ARHGAP30: variants seen among roughly 807,000 people sequenced by gnomAD.
ARHGAP30 encodes the protein rho GTPase-activating protein 30.
Under a neutral mutation model 72.0 loss-of-function variants are expected in ARHGAP30, and 23 were observed. The ratio of observed to expected loss-of-function variants is 0.32; its 90% CI spans 0.23 to 0.45. The LOEUF (loss-of-function observed/expected upper bound fraction) is 0.45, where lower values mean the gene tolerates loss of function less well. ARHGAP30 is among the 20% of genes least tolerant of loss of function. The pLI, the probability that ARHGAP30 is intolerant of heterozygous loss-of-function variation, is 1.00. For synonymous variants in ARHGAP30, 576 were observed against 528.2 expected, an observed-to-expected ratio of 1.09 and a Z score of -1.24; for missense variants, 1,319 against 1,383.4, an observed-to-expected ratio of 0.95 and a Z score of 0.74.
chr1:161,057,946 G>A (rs2102053528), intron 2 of ARHGAP30, among the ~76,000 whole-genome samples: 1 of 152,304 alleles, frequency 6.6e-6, no homozygotes, highest in East Asian at 1.9e-4. Flanking sequence ...GAGGTCGAGA[G>A]TTCAAGACCA....
At chr1:161,056,622 G>A (rs886473602) in intron 2 of ARHGAP30, 90 bp from the exon 3 acceptor site, 20 of 1,426,944 alleles carry the variant, frequency 1.4e-5, no homozygotes, top group East Asian at 2.3e-5. Flanking sequence ...CGGCATGGTC[G>A]TGGGTCAACA....
chr1:161,052,807 G>A lies in ARHGAP30; in HGVS notation c.665-10C>T. The A allele has an allele frequency of 1.2e-6, 2 of 1,609,310 alleles. No individual in the cohort carries two copies. The highest frequency in any genetic ancestry group is 1.7e-6 in the Non-Finnish European group (2 of 1,178,524). The stretch of plus-strand genomic sequence containing the variant: ...CTCTCCACCTCACCACCTGGGAAAA[G>A]AAAAGGAATTGGCCAGCCAGGAACA... On this transcript the variant is annotated splice_polypyrimidine_tract_variant and intron_variant, in intron 6 of 11. Coordinates refer to ENST00000368013, the MANE Select transcript of ARHGAP30 (RefSeq NM_001025598.2).
intron 1 of ARHGAP30, among the ~76,000 whole-genome samples, chr1:161,062,937 C>T (rs1652428788): frequency 6.6e-6 from 1 of 151,948 alleles, no homozygotes; most frequent in African/African-American, 2.4e-5. Flanking sequence ...GCCTCAGCCT[C>T]CCTAGTAGCT....
At chr1:161,064,233 C>G (rs1652524450) in intron 1 of ARHGAP30, among the ~76,000 whole-genome samples, 1 of 152,226 alleles carries the variant, frequency 6.6e-6, no homozygotes, top group Non-Finnish European at 1.5e-5. Flanking sequence ...TAACATTTCT[C>G]TCTTTTGTAC....
At chr1:161,066,719 A>G (rs1177587917) in intron 1 of ARHGAP30, among the ~76,000 whole-genome samples, 3 of 149,342 alleles carry the variant, frequency 2.0e-5, no homozygotes, top group African/African-American at 7.4e-5. Context: ...GCTTCCTTAA[A>G]TTTTGCACCC....
rs1157311310 is a variant in ARHGAP30 at position 161,066,333 on chromosome 1, T to G, written c.97+3195A>C. Among the ~76,000 whole-genome samples the G allele has an allele frequency of 2.0e-5, 3 of 150,572 alleles. No homozygotes were observed. The East Asian group carries it at 5.9e-4, about 29-fold the overall frequency. ...ATGCCAACCATGCCCATGCACGGTC[T>G]TGAGTACCTCCTTGAGAATGAGGCA... On this transcript the variant is annotated intron_variant, in intron 1 of 11. Transcript: ENST00000368013.
chr1:161,058,314 AAAATAAATAAAT>A (rs566349493), intron 2 of ARHGAP30, among the ~76,000 whole-genome samples: 1 of 150,266 alleles, frequency 6.7e-6, no homozygotes, highest in Non-Finnish European at 1.5e-5. Flanking sequence ...TCCATCCCAA[AAAATAAATAAAT>A]AAATAAATAA....
rs1650948235 is a variant in ARHGAP30, at chr1:161,047,607, T to G, written c.*108A>C. 3.2e-6 allele frequency: 4 copies of G among 1,252,618 alleles called. No individual in the cohort carries two copies. The Admixed American group carries it at 1.1e-4, about 34-fold the overall frequency. The allele number at this position is 1,252,618 out of a possible 1,614,324, so 77.6% of individuals were successfully genotyped here. On this transcript the variant is annotated 3_prime_UTR_variant, in exon 12 of 12. Coordinates refer to ENST00000368013, the MANE Select transcript of ARHGAP30 (RefSeq NM_001025598.2). The stretch of plus-strand genomic sequence containing the variant: ...AGAGAAGCTGGAGGGCCAAAGCCTA[T>G]AGAGTTGGGCACTACAGCTGCTCAT...
chr1:161,051,900 G>A (rs1651403310), intron 9 of ARHGAP30, among the ~76,000 whole-genome samples, 185 bp from the exon 10 acceptor site: 2 of 152,010 alleles, frequency 1.3e-5, no homozygotes, highest in Admixed American at 1.3e-4. Flanking sequence ...GTAGGTCAAA[G>A]ATCACCTCAC....
chr1:161,054,416 G>C lies in ARHGAP30; in HGVS notation c.486C>G (p.Thr162=), dbSNP rs1651675459. ...TGGCCAGGTTGCGAGCATGCATGTTGGTCTGGGCACTGAATGAGGCCATGT... is the reference window on the plus strand; with the variant it reads ...TGGCCAGGTTGCGAGCATGCATGTTCGTCTGGGCACTGAATGAGGCCATGT... ...LVHMASFSAQ[T]NMHARNLAIV... is the part of the protein sequence containing the mutation. The change falls in exon 5 of 12, where the codon ACC becomes ACG. Residue 162 remains threonine, a synonymous_variant. Coordinates refer to ENST00000368013, the MANE Select transcript of ARHGAP30 (RefSeq NM_001025598.2). 1.2e-6 allele frequency: 2 copies of C among 1,614,030 alleles called. No homozygotes were observed. Among genetic ancestry groups the C allele is most frequent in the East Asian group, 4.5e-5 (2 of 44,870 alleles).
intron 3 of ARHGAP30, among the ~76,000 whole-genome samples, chr1:161,055,875 TAAA>T (rs1158578670): frequency 0.61 from 70,236 of 115,178 alleles, 20,428 homozygotes; most frequent in Non-Finnish European, 0.67. Flanking sequence ...TAAAATAAAA[TAAA>T]ATAAAAATAA....
intron 10 of ARHGAP30, among the ~76,000 whole-genome samples, chr1:161,050,693 T>C (rs1183308361): frequency 6.6e-6 from 1 of 151,808 alleles, no homozygotes; most frequent in Non-Finnish European, 1.5e-5. Flanking sequence ...CAGGCTAGAG[T>C]GCAGTGGCGT....
chr1:161,064,819 GAAA>G (rs1652605404), intron 1 of ARHGAP30, among the ~76,000 whole-genome samples: 3 of 60,600 alleles, frequency 5.0e-5, no homozygotes, highest in African/African-American at 2.3e-4. Flanking sequence ...AAGAAAGAAA[GAAA>G]GAAAGAAAGA....
In ARHGAP30 at chr1:161,047,077, T is replaced by C. The variant is rs1175740013; in HGVS notation, c.*638A>G. The C allele has an allele frequency of 2.3e-6, 1 of 442,806 alleles. No individual in the cohort carries two copies. Among genetic ancestry groups the C allele is most frequent in the Non-Finnish European group, 4.6e-6 (1 of 217,246 alleles). The allele number at this position is 442,806 out of a possible 1,614,324, so 27.4% of individuals were successfully genotyped here. ...CCTTTCCTGAAATAGGAACAAGTTA[T>C]TCCAAAGGAGAAAGGAGAGCCCAGA... On this transcript the variant is annotated 3_prime_UTR_variant, in exon 12 of 12. Transcript: ENST00000368013.
At chr1:161,053,450 G>GA in intron 5 of ARHGAP30, 65 bp from the exon 6 acceptor site, 1 of 1,267,112 alleles carries the variant, frequency 7.9e-7, no homozygotes, top group Non-Finnish European at 1.1e-6. Context: ...GATTCTCCCT[G>GA]AAAATACCTT....
At position 161,051,397 on chromosome 1, in the gene ARHGAP30, C is replaced by T; in HGVS notation, c.1337G>A (p.Gly446Asp). The change falls in exon 10 of 12, where the codon GGC (glycine) becomes GAC (aspartate). Residue 446 changes from glycine (G) to aspartate (D), a missense_variant. Gly to Asp is a moderately conservative substitution (Grantham distance 94, BLOSUM62 -1). Transcript: ENST00000368013. ...GTGCTGTAGAGCAGGGCACTCAAGG[C>T]CACGGGTGAGCCTGGCCAAGGAAAC... ...SNVSLARLTR[G>D]LECPALQHRP... 1.2e-6 allele frequency: 2 copies of T among 1,614,024 alleles called. No homozygotes were observed. The highest frequency in any genetic ancestry group is 1.1e-5 in the South Asian group (1 of 91,074).
chr1:161,049,395 AC>A, intron 11 of ARHGAP30, 28 bp downstream of exon 11: 1 of 1,596,812 alleles, frequency 6.3e-7, no homozygotes, highest in Non-Finnish European at 8.5e-7. Flanking sequence ...ACTCCATGCC[AC>A]CCCCAAACCC....
chr1:161,051,404 T>G lies in ARHGAP30; in HGVS notation c.1330A>C (p.Thr444Pro), dbSNP rs1571076905. Residue 444 changes from threonine (T) to proline (P), a missense_variant, in exon 10 of 12, where the codon ACC becomes CCC. Around this residue, in one of 2 missense-constraint regions of ARHGAP30, gnomAD observed 1,097 missense variants for 1,045.2 expected, o/e 1.05. Coordinates refer to ENST00000368013, the MANE Select transcript of ARHGAP30 (RefSeq NM_001025598.2). ...IISNVSLARL[T>P]RGLECPALQH... is the part of the protein sequence containing the mutation. Reference sequence around the variant, plus strand: ...AGAGCAGGGCACTCAAGGCCACGGGTGAGCCTGGCCAAGGAAACGTTAGAG... The same window carrying G: ...AGAGCAGGGCACTCAAGGCCACGGGGGAGCCTGGCCAAGGAAACGTTAGAG... 1 of 1,613,976 alleles carries G rather than the reference T, an allele frequency of 6.2e-7. No individual in the cohort carries two copies. The highest frequency in any genetic ancestry group is 8.5e-7 in the Non-Finnish European group (1 of 1,180,016).
In ARHGAP30 at chr1:161,052,441, C is replaced by G; in HGVS notation, c.939G>C (p.Arg313Ser). The change falls in exon 8 of 12, where the codon AGG becomes AGC. Residue 313 changes from arginine to serine, a missense_variant and splice_region_variant. This residue lies in a region of ARHGAP30 where 1,097 missense variants were observed against 1,045.2 expected (regional missense o/e 1.05). Transcript: ENST00000368013. ...CTCCCCCCATCTCCCCAGACTTACCCCTGTCCTCAGCCCCCCGTGGAAGTT... is the reference window on the plus strand; with the variant it reads ...CTCCCCCCATCTCCCCAGACTTACCGCTGTCCTCAGCCCCCCGTGGAAGTT... ...KRKLPRGAED[R>S]EDKSNKGTLR... The G allele has an allele frequency of 6.2e-7, 1 of 1,613,956 alleles. No individual in the cohort carries two copies. The highest frequency in any genetic ancestry group is 1.3e-5 in the African/African-American group (1 of 74,994).
Sources: gnomAD v4.1 joint callset for allele counts (sites outside exome capture counted in the v4.1 genomes callset) on GRCh38, gnomAD v4.1.1 for gene constraint, gnomAD v4.1.1 regional missense constraint, MANE v1.5 for transcripts, NCBI Gene and HGNC (gene_info 2026-07-23, HGNC 2026-07-21) for gene names.